MPRIP: variants seen among roughly 807,000 people sequenced by gnomAD.
The protein encoded by MPRIP is myosin phosphatase Rho-interacting protein.
MPRIP carries 59 observed loss-of-function variants against 234.9 expected under a neutral mutation model. That is an observed-to-expected ratio of 0.25 (90% CI 0.20 to 0.31). The LOEUF (loss-of-function observed/expected upper bound fraction) is 0.31. Ranked by LOEUF, MPRIP falls within the 10% of genes least tolerant of loss-of-function variation. The probability of loss-of-function intolerance (pLI) is 1.00; values close to 1 mark genes in which losing one functional copy is unlikely to be tolerated. For synonymous variants in MPRIP, 1,144 were observed against 1,263.9 expected, an observed-to-expected ratio of 0.91 and a Z score of 2.01; for missense variants, 2,436 against 3,071.0, an observed-to-expected ratio of 0.79 and a Z score of 4.89.
intron 1 of MPRIP, among the ~76,000 whole-genome samples, chr17:17,068,141 GTT>G (rs1040640750): frequency 6.6e-6 from 1 of 151,400 alleles, no homozygotes; most frequent in African/African-American, 2.4e-5. Context: ...TGTCAGCAGT[GTT>G]TTTTTGTTTT....
chr17:17,177,976 G>A (rs2046292578), intron 22 of MPRIP, among the ~76,000 whole-genome samples: 2 of 149,630 alleles, frequency 1.3e-5, no homozygotes, highest in African/African-American at 4.9e-5. Flanking sequence ...GCCCAGGGTG[G>A]AATGCAATGG....
chr17:17,084,633 G>T (rs2089544214), intron 3 of MPRIP, among the ~76,000 whole-genome samples: 1 of 152,202 alleles, frequency 6.6e-6, no homozygotes, highest in East Asian at 1.9e-4. Flanking sequence ...ATTCAGAGAG[G>T]CCGCTCCACC....
Position 17,165,584 on chromosome 17 carries a change from A to T in MPRIP, c.3993A>T (p.Arg1331Ser), listed in dbSNP as rs1162033809. 2.3e-6 allele frequency: 3 copies of T among 1,304,702 alleles called. No individual in the cohort carries two copies. The highest frequency in any genetic ancestry group is 1.5e-5 in the African/African-American group (1 of 65,866). 80.8% of individuals were successfully genotyped at this position (1,304,702 alleles called of 1,614,324 possible). The change falls in exon 16 of 24, where the codon AGA becomes AGT. Residue 1331 changes from arginine to serine, a missense_variant. By Grantham distance (110) the Arg-to-Ser change is moderately radical (BLOSUM62 -1). Around this residue, in one of 4 missense-constraint regions of MPRIP, gnomAD observed 1,998 missense variants for 2,520.3 expected, o/e 0.79. Coordinates refer to ENST00000651222, the MANE Select transcript of MPRIP (RefSeq NM_001364716.4). ...RIRFSTIQCQ[R>S]YIHPEGSEKT... is the part of the protein sequence containing the mutation. ...GGTTCTCCACAATCCAGTGCCAAAGATACATTCACCCCGAAGGGTCTGAGA... is the reference window on the plus strand; with the variant it reads ...GGTTCTCCACAATCCAGTGCCAAAGTTACATTCACCCCGAAGGGTCTGAGA...
intron 16 of MPRIP, 69 bp from the exon 17 acceptor site, chr17:17,171,649 T>A: frequency 2.6e-6 from 4 of 1,561,850 alleles, no homozygotes; most frequent in Non-Finnish European, 3.5e-6. Context: ...TCCTGGCTCC[T>A]TTATTTAAAA....
chr17:17,048,426 C>G (rs1354103651), intron 1 of MPRIP, among the ~76,000 whole-genome samples: 1 of 151,912 alleles, frequency 6.6e-6, no homozygotes, highest in African/African-American at 2.4e-5. Flanking sequence ...CATAGGACTT[C>G]CTGATTTGAC....
At position 17,089,349 on chromosome 17, in the gene MPRIP, G is replaced by T. The variant is rs187156719; in HGVS notation, c.267+11273G>T. Among the ~76,000 whole-genome samples, 83 of 152,288 alleles carry T rather than the reference G, an allele frequency of 5.5e-4. 1 individual carries two copies. The highest frequency in any genetic ancestry group is 9.2e-4 in the Admixed American group (14 of 15,298). On this transcript the variant is annotated intron_variant, in intron 3 of 23. Transcript: ENST00000651222. The stretch of plus-strand genomic sequence containing the variant: ...CTCCAGTGGCCACCTGCCTTCCTTG[G>T]CTCGTGGCCTCTTCCTGTCACCACT...
chr17:17,072,885 C>T (rs1306909978), intron 1 of MPRIP, among the ~76,000 whole-genome samples: 1 of 152,152 alleles, frequency 6.6e-6, no homozygotes, highest in Non-Finnish European at 1.5e-5. Flanking sequence ...AGGCCTCCCC[C>T]TGTTATCTAT....
chr17:17,091,414 C>T (rs1199093039), intron 3 of MPRIP, among the ~76,000 whole-genome samples: 1 of 152,172 alleles, frequency 6.6e-6, no homozygotes, highest in East Asian at 1.9e-4. Context: ...GCCGCTTGCT[C>T]CGTGCAGCAT....
chr17:17,127,926 C>T (rs867096424), intron 4 of MPRIP, among the ~76,000 whole-genome samples: 103 of 152,182 alleles, frequency 6.8e-4, no homozygotes, highest in African/African-American at 2.3e-3. Flanking sequence ...GCGCTCTCTG[C>T]GGGGGTGTGC....
chr17:17,143,085 T>C (rs1335355695), intron 8 of MPRIP, among the ~76,000 whole-genome samples: 1 of 152,214 alleles, frequency 6.6e-6, no homozygotes, highest in Non-Finnish European at 1.5e-5. Context: ...TCAGTACAAC[T>C]ACACCCCTCG....
intron 3 of MPRIP, among the ~76,000 whole-genome samples, chr17:17,119,346 G>C (rs1017644264): frequency 1.3e-5 from 2 of 152,278 alleles, no homozygotes; most frequent in African/African-American, 4.8e-5. Flanking sequence ...TGCTGGGCAA[G>C]TCTCCACGTG....
chr17:17,081,635 GGCA>G (rs1461589253), intron 3 of MPRIP, among the ~76,000 whole-genome samples: 1 of 152,210 alleles, frequency 6.6e-6, no homozygotes, highest in Non-Finnish European at 1.5e-5. Flanking sequence ...GAGGGAGGAA[GGCA>G]GCAGCAGTCC....
intron 4 of MPRIP, 95 bp downstream of exon 4, chr17:17,126,948 C>T (rs2090502675): frequency 6.9e-7 from 1 of 1,447,680 alleles, no homozygotes; most frequent in Non-Finnish European, 9.5e-7. Context: ...TCGATGTTGT[C>T]TACTTCCCCG....
At chr17:17,143,255 C>T (rs748184571) in intron 8 of MPRIP, among the ~76,000 whole-genome samples, 4 of 152,198 alleles carry the variant, frequency 2.6e-5, no homozygotes, top group South Asian at 4.1e-4. Flanking sequence ...TTGCCACCTG[C>T]CACCACAGAG....
At chr17:17,105,940 T>G (rs976487326) in intron 3 of MPRIP, among the ~76,000 whole-genome samples, 6 of 152,234 alleles carry the variant, frequency 3.9e-5, no homozygotes, top group Admixed American at 2.0e-4. Flanking sequence ...TAAAGAAACC[T>G]TTTATTGTGG....
chr17:17,048,520 G>T (rs541313499), intron 1 of MPRIP, among the ~76,000 whole-genome samples: 1 of 152,202 alleles, frequency 6.6e-6, no homozygotes, highest in African/African-American at 2.4e-5. Context: ...GTGTTGCTTG[G>T]CAGGGAGCGT....
At chr17:17,058,016 A>C in intron 1 of MPRIP, 1 of 341,548 alleles carries the variant, frequency 2.9e-6, no homozygotes. Flanking sequence ...GCCCCTCCCC[A>C]GTGGTATCCC....
At chr17:17,082,989 C>G (rs2089500758) in intron 3 of MPRIP, among the ~76,000 whole-genome samples, 1 of 152,312 alleles carries the variant, frequency 6.6e-6, no homozygotes, top group South Asian at 2.1e-4. Flanking sequence ...TCTGCTGACC[C>G]CAAGCCTCTC....
chr17:17,068,506 T>C (rs1039764119), intron 1 of MPRIP, among the ~76,000 whole-genome samples: 5 of 152,044 alleles, frequency 3.3e-5, no homozygotes, highest in Non-Finnish European at 7.4e-5. Flanking sequence ...TTCACTGATT[T>C]TTTCATTGAT....
Sources: gnomAD v4.1 joint callset for allele counts (sites outside exome capture counted in the v4.1 genomes callset) on GRCh38, gnomAD v4.1.1 for gene constraint, gnomAD v4.1.1 regional missense constraint, MANE v1.5 for transcripts, NCBI Gene and HGNC (gene_info 2026-07-23, HGNC 2026-07-21) for gene names.